Variants in RTF1 observed in about 807,000 individuals in gnomAD.
RTF1 encodes RNA polymerase-associated protein RTF1 homolog.
Under a neutral mutation model 95.7 loss-of-function variants are expected in RTF1, and 10 were observed. The observed-to-expected ratio is 0.10, with a 90% CI of 0.06 to 0.18. RTF1 has a LOEUF of 0.18. Ranked by LOEUF, RTF1 falls within the 10% of genes least tolerant of loss-of-function variation. The probability of loss-of-function intolerance (pLI) is 1.00; values close to 1 mark genes in which losing one functional copy is unlikely to be tolerated. For missense variants in RTF1, 458 were observed against 875.6 expected, an observed-to-expected ratio of 0.52 and a Z score of 6.02; for synonymous variants, 305 against 311.8, an observed-to-expected ratio of 0.98 and a Z score of 0.23.
At chr15:41,425,323 C>T (rs902678203) in intron 1 of RTF1, among the ~76,000 whole-genome samples, 1 of 151,982 alleles carries the variant, frequency 6.6e-6, no homozygotes, top group Non-Finnish European at 1.5e-5. Flanking sequence ...CCAGGATGGT[C>T]TTGATCTCCT....
intron 8 of RTF1, among the ~76,000 whole-genome samples, chr15:41,474,265 A>T (rs1260566042): frequency 1.3e-5 from 2 of 152,180 alleles, no homozygotes; most frequent in East Asian, 3.9e-4. Context: ...CATATCCTGA[A>T]ATGCTTGGCA....
chr15:41,437,346 A>G (rs1044710937), intron 1 of RTF1, among the ~76,000 whole-genome samples: 1 of 151,166 alleles, frequency 6.6e-6, no homozygotes, highest in African/African-American at 2.4e-5. Context: ...ATACAAAAAA[A>G]AAAAATTAGC....
chr15:41,457,569 C>T (rs2050825620), intron 3 of RTF1, 103 bp from the exon 4 acceptor site: 6 of 993,804 alleles, frequency 6.0e-6, no homozygotes, highest in Non-Finnish European at 9.3e-6. Flanking sequence ...AAACTGGTTT[C>T]TTACTGTAGC....
At chr15:41,418,603 G>A (rs951371569) in intron 1 of RTF1, among the ~76,000 whole-genome samples, 3 of 152,038 alleles carry the variant, frequency 2.0e-5, no homozygotes, top group Non-Finnish European at 4.4e-5. Context: ...CTGAGGTCGG[G>A]AGTTCGAGAC....
chr15:41,464,712 A>G, intron 4 of RTF1, 59 bp from the exon 5 acceptor site: 3 of 1,407,162 alleles, frequency 2.1e-6, no homozygotes, highest in Non-Finnish European at 1.9e-6. Context: ...CCTATCTAAT[A>G]GAAATCAGTT....
chr15:41,464,720 G>C lies in RTF1; in HGVS notation c.663-51G>C, dbSNP rs1235547856. The C allele has an allele frequency of 5.5e-6, 8 of 1,446,830 alleles. No homozygotes were observed. In the Middle Eastern group the frequency reaches 5.4e-4, roughly 98 times the overall value. The allele number at this position is 1,446,830 out of a possible 1,614,324, so 89.6% of individuals were successfully genotyped here. A position where few individuals can be genotyped will look rare whatever the true frequency, so the allele number is the denominator to read the frequency against. On this transcript the variant is annotated intron_variant, in intron 4 of 17. Transcript: ENST00000389629. ...CCTTTCTCCTATCTAATAGAAATCAGTTTTTATATACATTTCATTGCTACT... is the reference window on the plus strand; with the variant it reads ...CCTTTCTCCTATCTAATAGAAATCACTTTTTATATACATTTCATTGCTACT...
rs188906237 is a variant in RTF1, at chr15:41,420,394, G to A, written c.198+3081G>A. Among the ~76,000 whole-genome samples, 8 of 152,234 alleles carry A rather than the reference G, an allele frequency of 5.3e-5. No individual in the cohort carries two copies. The South Asian group carries it at 6.2e-4, about 12-fold the overall frequency. Reference sequence around the variant, plus strand: ...ATCTCTGCCCTCTAGACATTTTCACGAAAGACCTTTAGCACAAGTTCACTG... The same window carrying A: ...ATCTCTGCCCTCTAGACATTTTCACAAAAGACCTTTAGCACAAGTTCACTG... On this transcript the variant is annotated intron_variant, in intron 1 of 17. Transcript: ENST00000389629.
intron 5 of RTF1, 22 bp from the exon 6 acceptor site, chr15:41,466,119 C>G (rs759542808): frequency 6.7e-7 from 1 of 1,489,262 alleles, no homozygotes; most frequent in Non-Finnish European, 9.0e-7. Flanking sequence ...AAGGGCCATT[C>G]TATATATCCT....
intron 2 of RTF1, among the ~76,000 whole-genome samples, chr15:41,438,736 C>CT (rs918456192): frequency 6.6e-6 from 1 of 151,892 alleles, no homozygotes; most frequent in African/African-American, 2.4e-5. Flanking sequence ...TGGTGCACGC[C>CT]TGTAATCCCA....
intron 1 of RTF1, among the ~76,000 whole-genome samples, chr15:41,420,886 A>G (rs2050597141): frequency 6.6e-6 from 1 of 152,216 alleles, no homozygotes; most frequent in Non-Finnish European, 1.5e-5. Flanking sequence ...TGCATTTGTA[A>G]CAGGTATAGC....
In RTF1 at chr15:41,482,442, A is replaced by G. The variant is rs560735938; in HGVS notation, c.*1755A>G. 1.7e-4 allele frequency: 26 copies of G among 152,502 alleles called. No homozygotes were observed. Among genetic ancestry groups the G allele is most frequent in the Non-Finnish European group, 2.6e-4 (18 of 68,032 alleles). The allele number at this position is 152,502 out of a possible 1,614,324, so 9.4% of individuals were successfully genotyped here. A position where few individuals can be genotyped will look rare whatever the true frequency, so the allele number is the denominator to read the frequency against. ...GTACAAGGAAGGGGGACGATGGGAA[A>G]TCATGGACTTGTAAGTTGTATTTAA... is the stretch of plus-strand genomic sequence containing the variant. On this transcript the variant is annotated 3_prime_UTR_variant, in exon 18 of 18. Transcript: ENST00000389629.
At chr15:41,476,587 C>T (rs896151750) in intron 12 of RTF1, 64 bp downstream of exon 12, 7 of 1,415,380 alleles carry the variant, frequency 4.9e-6, no homozygotes, top group Non-Finnish European at 3.0e-6. Context: ...CAAACTTGTT[C>T]ATCCTCTGCC....
In RTF1 at chr15:41,445,572, A is replaced by G. The variant is rs183724450; in HGVS notation, c.309+7141A>G. On this transcript the variant is annotated intron_variant, in intron 2 of 17. Transcript: ENST00000389629. Reference sequence around the variant, plus strand: ...TGTGATTGCTTGATGATGAAATACAATAGTGTCTTTTGTACTTTATCTGAT... The same window carrying G: ...TGTGATTGCTTGATGATGAAATACAGTAGTGTCTTTTGTACTTTATCTGAT... 3.0e-3 allele frequency among the ~76,000 whole-genome samples: 462 copies of G among 152,332 alleles called. 12 individuals carry two copies. The highest frequency in any genetic ancestry group is 8.8e-4 in the Non-Finnish European group (60 of 68,042).
rs764385920 is a variant in RTF1 at position 41,471,242 on chromosome 15, C to A, written c.1096C>A (p.Arg366=). ...PEELNRVRLS[R]HKLERWCHMP... Reference sequence around the variant, plus strand: ...AGAATTGAATCGGGTTCGATTATCACGGCATAAGCTAGAACGCTGGTGTCA... The same window carrying A: ...AGAATTGAATCGGGTTCGATTATCAAGGCATAAGCTAGAACGCTGGTGTCA... The change falls in exon 8 of 18, where the codon CGG becomes AGG. Residue 366 remains arginine, a synonymous_variant. Transcript: ENST00000389629. 1 of 1,613,784 alleles carries A rather than the reference C, an allele frequency of 6.2e-7. No individual in the cohort carries two copies. Among genetic ancestry groups the A allele is most frequent in the Admixed American group, 1.7e-5 (1 of 59,922 alleles).
At chr15:41,419,623 G>A (rs2050590280) in intron 1 of RTF1, among the ~76,000 whole-genome samples, 1 of 152,126 alleles carries the variant, frequency 6.6e-6, no homozygotes, top group Non-Finnish European at 1.5e-5. Context: ...GATTATTTGG[G>A]GGGATTTCTT....
intron 1 of RTF1, among the ~76,000 whole-genome samples, chr15:41,428,315 TG>T (rs1853050517): frequency 7.3e-6 from 1 of 137,292 alleles, no homozygotes; most frequent in South Asian, 2.5e-4. Flanking sequence ...TTGCCCAGGC[TG>T]GAGTGCAATG....
rs1167121434 is a variant in RTF1 at position 41,442,624 on chromosome 15, A to G, written c.309+4193A>G. ...TCTCGGGCCAGGCATGGTGGCTCAC[A>G]CCTGTAATCCCAGCACTTTGGGAGG... On this transcript the variant is annotated intron_variant, in intron 2 of 17. Coordinates refer to ENST00000389629, the MANE Select transcript of RTF1 (RefSeq NM_015138.5). Among the ~76,000 whole-genome samples the G allele has an allele frequency of 2.0e-5, 3 of 151,872 alleles. No homozygotes were observed. The East Asian group carries it at 5.8e-4, about 29-fold the overall frequency.
At chr15:41,441,173 A>G (rs924399237) in intron 2 of RTF1, among the ~76,000 whole-genome samples, 20 of 151,720 alleles carry the variant, frequency 1.3e-4, no homozygotes, top group Non-Finnish European at 1.5e-4. Context: ...GGGTTTCACC[A>G]TGTTAGCCAG....
intron 1 of RTF1, among the ~76,000 whole-genome samples, chr15:41,430,210 G>A (rs533431122): frequency 1.6e-4 from 21 of 131,724 alleles, no homozygotes; most frequent in East Asian, 1.6e-3. Flanking sequence ...ACAGAGTCTC[G>A]CTGCCCCCTA....
Sources: allele counts gnomAD v4.1 joint callset (sites outside exome capture counted in the v4.1 genomes callset), GRCh38; gene constraint gnomAD v4.1.1; transcripts MANE v1.5; gene names NCBI Gene and HGNC (gene_info 2026-07-23, HGNC 2026-07-21).